The following TOX variants were observed in gnomAD, a reference collection of about 807,000 sequenced individuals.
The protein encoded by TOX is thymocyte selection associated high mobility group box.
A neutral mutation model predicts 53.7 loss-of-function variants in TOX; 11 were observed. The ratio of observed to expected loss-of-function variants is 0.20; its 90% CI spans 0.13 to 0.34. The LOEUF (loss-of-function observed/expected upper bound fraction) is 0.34, where lower values mean the gene tolerates loss of function less well. TOX is among the 10% of genes least tolerant of loss of function. TOX has a pLI of 1.00. For missense variants in TOX, 570 were observed against 664.6 expected (o/e 0.86, Z 1.56); for synonymous variants, 225 against 245.3 (o/e 0.92, Z 0.77).
chr8:58,996,205 T>C (rs575243055), intron 1 of TOX, among the ~76,000 whole-genome samples: 208 of 152,350 alleles, frequency 1.4e-3, no homozygotes, highest in African/African-American at 4.7e-3. Context: ...ATACATGTAT[T>C]GTTTAATTAG....
rs560478337 is a variant in TOX at position 58,851,158 on chromosome 8, G to GTCTCTCTCTCTCTCTC, written c.693+350_693+365dup. On this transcript the variant is annotated intron_variant, in intron 4 of 8. Coordinates refer to ENST00000361421, the MANE Select transcript of TOX (RefSeq NM_014729.3). This position sits in a 1 kb window ranked among gnomAD's most constrained non-coding sequence, Gnocchi z 4.4. The stretch of plus-strand genomic sequence containing the variant: ...CACCATACATCTCCTCTCTCTCTCT[G>GTCTCTCTCTCTCTCTC]TCTCTCTCTCTCTCTCTCTCTCTCT... Among the ~76,000 whole-genome samples the GTCTCTCTCTCTCTCTC allele has an allele frequency of 5.2e-4, 62 of 118,268 alleles. No homozygotes were observed. The highest frequency in any genetic ancestry group is 8.6e-4 in the South Asian group (3 of 3,470). The allele number at this position is 118,268 out of a possible 152,430, so 77.6% of individuals were successfully genotyped here.
In TOX at chr8:58,974,161, A is replaced by G. The variant is rs142944657; in HGVS notation, c.103-14153T>C. 3.5e-4 allele frequency among the ~76,000 whole-genome samples: 53 copies of G among 152,256 alleles called. No homozygotes were observed. In the East Asian group the frequency reaches 6.6e-3, roughly 19 times the overall value. ...CTGGGGAGGGCACTTAACATTTGAC[A>G]ATGTCTGGAGGTACTTTTGATTGTT... On this transcript the variant is annotated intron_variant, in intron 1 of 8. Coordinates refer to ENST00000361421, the MANE Select transcript of TOX (RefSeq NM_014729.3).
intron 1 of TOX, among the ~76,000 whole-genome samples, chr8:59,031,984 T>C (rs985880059): frequency 3.3e-5 from 5 of 152,220 alleles, no homozygotes; most frequent in African/African-American, 9.6e-5. Flanking sequence ...TCTGACTTAA[T>C]GCTTAATGTT....
At chr8:58,857,407 A>C (rs1046288331) in intron 3 of TOX, among the ~76,000 whole-genome samples, 5 of 152,198 alleles carry the variant, frequency 3.3e-5, no homozygotes, top group African/African-American at 9.6e-5. Flanking sequence ...GTCCATTTGA[A>C]AATGGGTGCT....
At position 58,805,695 on chromosome 8, in the gene TOX, G is replaced by C. The variant is rs1328597231; in HGVS notation, c.*2052C>G. Reference sequence around the variant, plus strand: ...AATAAAAGACATTAGTTAATTAGTAGTGCTGGTATATTTCTAAAATACTAA... The same window carrying C: ...AATAAAAGACATTAGTTAATTAGTACTGCTGGTATATTTCTAAAATACTAA... On this transcript the variant is annotated 3_prime_UTR_variant, in exon 9 of 9. Transcript: ENST00000361421. The C allele has an allele frequency of 6.6e-6, 1 of 152,608 alleles. No individual in the cohort carries two copies. The highest frequency in any genetic ancestry group is 1.5e-5 in the Non-Finnish European group (1 of 68,030). 9.5% of individuals were successfully genotyped at this position (152,608 alleles called of 1,614,324 possible).
Position 58,877,237 on chromosome 8 carries a change from T to C in TOX, c.412-25432A>G, listed in dbSNP as rs1585874862. Among the ~76,000 whole-genome samples, 3 of 152,186 alleles carry C rather than the reference T, an allele frequency of 2.0e-5. No homozygotes were observed. In the East Asian group the frequency reaches 5.8e-4, roughly 29 times the overall value. On this transcript the variant is annotated intron_variant, in intron 3 of 8. Transcript: ENST00000361421. ...TTATAACAGTGATGTATCTAGGTGG[T>C]CTATTGCAGCATTACGTATGATTTT... is the stretch of plus-strand genomic sequence containing the variant.
chr8:59,057,652 TA>T (rs1486053297), intron 1 of TOX, among the ~76,000 whole-genome samples: 1 of 152,202 alleles, frequency 6.6e-6, no homozygotes, highest in Non-Finnish European at 1.5e-5. Flanking sequence ...AAACAGTGTG[TA>T]TATGAATACC....
At chr8:58,940,891 G>A (rs1035624288) in intron 2 of TOX, among the ~76,000 whole-genome samples, 1 of 152,154 alleles carries the variant, frequency 6.6e-6, no homozygotes, top group African/African-American at 2.4e-5. Context: ...TTGTTTAGGT[G>A]CCATCAGAAG....
chr8:58,905,560 T>G (rs1366785572), intron 3 of TOX, among the ~76,000 whole-genome samples: 2 of 152,174 alleles, frequency 1.3e-5, no homozygotes, highest in Non-Finnish European at 2.9e-5. Flanking sequence ...CTGGATAAGA[T>G]GTACAGGTAG....
intron 1 of TOX, among the ~76,000 whole-genome samples, chr8:59,088,935 T>C (rs992034283): frequency 1.3e-5 from 2 of 152,208 alleles, no homozygotes; most frequent in Admixed American, 6.5e-5. Context: ...CTGATCTTCA[T>C]ATTATTAATG....
chr8:58,913,472 C>T (rs1811942844), intron 3 of TOX, among the ~76,000 whole-genome samples: 1 of 152,188 alleles, frequency 6.6e-6, no homozygotes, highest in Admixed American at 6.5e-5. Flanking sequence ...AGTGTTCGTA[C>T]AGCACTTAGC....
At chr8:58,826,513 G>A (rs1030213056) in intron 6 of TOX, among the ~76,000 whole-genome samples, 2 of 152,156 alleles carry the variant, frequency 1.3e-5, no homozygotes, top group South Asian at 4.1e-4. Flanking sequence ...GGGCCTGGAG[G>A]CAATTTAAGA....
At chr8:59,107,047 G>GCGGC (rs1554547184) in intron 1 of TOX, among the ~76,000 whole-genome samples, 1 of 46,546 alleles carries the variant, frequency 2.1e-5, no homozygotes, top group Non-Finnish European at 3.9e-5. Context: ...GCAGTTTGCT[G>GCGGC]GGGGGGGGGG....
At chr8:59,114,640 A>G (rs1805071260) in intron 1 of TOX, among the ~76,000 whole-genome samples, 1 of 152,166 alleles carries the variant, frequency 6.6e-6, no homozygotes, top group South Asian at 2.1e-4. Context: ...ATGAAGAACT[A>G]ATCAAGCATG....
chr8:58,930,625 T>C (rs1317358968), intron 3 of TOX, among the ~76,000 whole-genome samples: 2 of 152,108 alleles, frequency 1.3e-5, no homozygotes, highest in Admixed American at 1.3e-4. Flanking sequence ...AGCGCAGAGC[T>C]CAGTTCTAGA....
intron 3 of TOX, among the ~76,000 whole-genome samples, chr8:58,892,233 A>G (rs1057051238): frequency 1.4e-4 from 21 of 152,276 alleles, no homozygotes; most frequent in African/African-American, 5.1e-4. Flanking sequence ...GCATGCCTTA[A>G]TGCAAAAACA....
At chr8:58,887,296 G>A (rs1286600068) in intron 3 of TOX, among the ~76,000 whole-genome samples, 1 of 151,660 alleles carries the variant, frequency 6.6e-6, no homozygotes, top group Non-Finnish European at 1.5e-5. Flanking sequence ...TCAATTTTTA[G>A]TATCAATATT....
At chr8:58,947,237 T>A (rs1812538048) in intron 2 of TOX, among the ~76,000 whole-genome samples, 1 of 152,098 alleles carries the variant, frequency 6.6e-6, no homozygotes, top group South Asian at 2.1e-4. Flanking sequence ...CAGATAATTT[T>A]AAGATCCATA....
chr8:58,981,430 T>C (rs1359908049), intron 1 of TOX, among the ~76,000 whole-genome samples: 1 of 152,194 alleles, frequency 6.6e-6, no homozygotes, highest in Non-Finnish European at 1.5e-5. Flanking sequence ...TCCATCTGCC[T>C]TACCCTTCGC....
Sources: gnomAD v4.1 joint callset for allele counts (sites outside exome capture counted in the v4.1 genomes callset) on GRCh38, gnomAD v4.1.1 for gene constraint, Gnocchi (gnomAD v3.1) non-coding constraint, MANE v1.5 for transcripts, NCBI Gene and HGNC (gene_info 2026-07-23, HGNC 2026-07-21) for gene names.